The following IL1RAPL2 variants were observed in gnomAD, a reference collection of about 807,000 sequenced individuals.
IL1RAPL2 encodes the protein interleukin 1 receptor accessory protein like 2.
IL1RAPL2 carries 3 observed loss-of-function variants against 44.1 expected under a neutral mutation model. The ratio of observed to expected loss-of-function variants is 0.07; its 90% CI spans 0.03 to 0.18. The LOEUF (loss-of-function observed/expected upper bound fraction) is 0.18, where lower values mean the gene tolerates loss of function less well. Among genes scored for constraint, IL1RAPL2 ranks in the 10% least tolerant of loss-of-function variants. The pLI is 1.00. For synonymous variants in IL1RAPL2, 181 were observed against 178.8 expected, an observed-to-expected ratio of 1.01 and a Z score of -0.10; for missense variants, 391 against 496.4, an observed-to-expected ratio of 0.79 and a Z score of 2.02.
At chrX:104,582,383 A>G (rs1928365792) in intron 1 of IL1RAPL2, among the ~76,000 whole-genome samples, 1 of 112,117 alleles carries the variant, frequency 8.9e-6, no homozygotes, top group Non-Finnish European at 1.9e-5. Context: ...GTTTGCATGA[A>G]AAAAAGACTG....
chrX:104,693,402 A>G (rs1056077805), intron 2 of IL1RAPL2, among the ~76,000 whole-genome samples: 2 of 111,631 alleles, frequency 1.8e-5, no homozygotes, highest in Admixed American at 1.9e-4. Context: ...AGGGACCAAT[A>G]GGTTTGTATT....
rs1168980533 is a variant in IL1RAPL2, at chrX:105,050,959, C to T, written c.83-144516C>T. Reference sequence around the variant, plus strand: ...TGTCCCTCCTCTGCCCTCTGCCCTGCTCCAAGTTGGGTGCTTTTACGGACC... The same window carrying T: ...TGTCCCTCCTCTGCCCTCTGCCCTGTTCCAAGTTGGGTGCTTTTACGGACC... On this transcript the variant is annotated intron_variant, in intron 2 of 10. Transcript: ENST00000372582. Among the ~76,000 whole-genome samples, 3 of 112,480 alleles carry T rather than the reference C, an allele frequency of 2.7e-5. No homozygotes were observed. The Admixed American group carries it at 2.8e-4, about 10-fold the overall frequency.
rs915441646 is a variant in IL1RAPL2 at position 105,661,825 on chromosome X, A to C, written c.773-55542A>C. 8.0e-5 allele frequency among the ~76,000 whole-genome samples: 9 copies of C among 112,394 alleles called. No individual in the cohort carries two copies. The East Asian group carries it at 2.5e-3, about 31-fold the overall frequency. ...GAGTTGCTGCAGAGGGTTCCCTTTA[A>C]AACTAGTTAAAAAGTATTCCATAAA... On this transcript the variant is annotated intron_variant, in intron 6 of 10. Transcript: ENST00000372582.
At chrX:104,789,663 A>G (rs1932815952) in intron 2 of IL1RAPL2, among the ~76,000 whole-genome samples, 1 of 112,323 alleles carries the variant, frequency 8.9e-6, no homozygotes, top group Non-Finnish European at 1.9e-5. Flanking sequence ...AATATGCCTC[A>G]TGAATTGCCA....
intron 4 of IL1RAPL2, among the ~76,000 whole-genome samples, chrX:105,247,021 G>C (rs917017135): frequency 5.4e-5 from 6 of 110,634 alleles, no homozygotes; most frequent in African/African-American, 2.0e-4. Flanking sequence ...TGGTTTGGAA[G>C]CTCTGGTTTA....
intron 1 of IL1RAPL2, among the ~76,000 whole-genome samples, chrX:104,601,722 G>A (rs1285482952): frequency 8.9e-6 from 1 of 111,787 alleles, no homozygotes; most frequent in Non-Finnish European, 1.9e-5. Flanking sequence ...CTATTATTAA[G>A]CCACATTATG....
In IL1RAPL2 at chrX:104,855,681, G is replaced by GTGTTTTTTTTTTTTTTTTTTTTTTTTTTT; in HGVS notation, c.82+196687_82+196688insGTTTTTTTTTTTTTTTTTTTTTTTTTTTT. ...TTAACTGTGCTAAGGATCTGGATCC[G>GTGTTTTTTTTTTTTTTTTTTTTTTTTTTT]TTTTTTTTTTTTTTTTTACTGTATC... On this transcript the variant is annotated intron_variant, in intron 2 of 10. Transcript: ENST00000372582. 8.0e-4 allele frequency among the ~76,000 whole-genome samples: 43 copies of GTGTTTTTTTTTTTTTTTTTTTTTTTTTTT among 53,865 alleles called. 12 individuals are homozygous for GTGTTTTTTTTTTTTTTTTTTTTTTTTTTT. Among genetic ancestry groups the GTGTTTTTTTTTTTTTTTTTTTTTTTTTTT allele is most frequent in the Non-Finnish European group, 1.6e-3 (40 of 24,623 alleles). The allele number at this position is 53,865 out of a possible 115,157, so 46.8% of individuals were successfully genotyped here.
intron 4 of IL1RAPL2, among the ~76,000 whole-genome samples, chrX:105,246,896 T>G (rs994957788): frequency 1.8e-5 from 2 of 111,181 alleles, no homozygotes; most frequent in Non-Finnish European, 3.8e-5. Context: ...AAGACTGGCC[T>G]TGAGAGCTTC....
At chrX:105,092,902 A>G (rs1412458089) in intron 2 of IL1RAPL2, among the ~76,000 whole-genome samples, 1 of 111,066 alleles carries the variant, frequency 9.0e-6, no homozygotes, top group Non-Finnish European at 1.9e-5. Context: ...GTGCTATAAA[A>G]TAATGTATAA....
At chrX:105,247,008 C>A (rs967935027) in intron 4 of IL1RAPL2, among the ~76,000 whole-genome samples, 2 of 110,453 alleles carry the variant, frequency 1.8e-5, no homozygotes, top group African/African-American at 6.6e-5. Context: ...TGCTGTGACC[C>A]ACTGGTTTGG....
At chrX:104,787,535 G>GT (rs1932805394) in intron 2 of IL1RAPL2, among the ~76,000 whole-genome samples, 1 of 111,480 alleles carries the variant, frequency 9.0e-6, no homozygotes, top group African/African-American at 3.3e-5. Flanking sequence ...AGGTAAGGGA[G>GT]TGAGGGAGCT....
chrX:105,274,194 C>T (rs191442520), intron 5 of IL1RAPL2, among the ~76,000 whole-genome samples: 5 of 111,872 alleles, frequency 4.5e-5, no homozygotes, highest in Admixed American at 9.5e-5. Flanking sequence ...ATAAAAAAAG[C>T]ACACTTGGCA....
chrX:105,512,557 T>G, intron 6 of IL1RAPL2, among the ~76,000 whole-genome samples: 2 of 111,787 alleles, frequency 1.8e-5, no homozygotes, highest in South Asian at 7.4e-4. Flanking sequence ...GTGTAAAAAT[T>G]AAATCGCATT....
At chrX:104,727,704 T>C (rs1183857054) in intron 2 of IL1RAPL2, among the ~76,000 whole-genome samples, 6 of 111,288 alleles carry the variant, frequency 5.4e-5, no homozygotes, top group East Asian at 2.8e-4. Flanking sequence ...CAATGGATGA[T>C]TGGATAAAGA....
chrX:104,973,698 C>T (rs1327044205), intron 2 of IL1RAPL2, among the ~76,000 whole-genome samples: 1 of 111,990 alleles, frequency 8.9e-6, no homozygotes, highest in African/African-American at 3.2e-5. Flanking sequence ...AGCTTAGTCA[C>T]ACACAAAAAA....
At chrX:105,317,916 G>C (rs1206056942) in intron 5 of IL1RAPL2, among the ~76,000 whole-genome samples, 1 of 109,609 alleles carries the variant, frequency 9.1e-6, no homozygotes, top group Non-Finnish European at 1.9e-5. Flanking sequence ...CATTAGAGTT[G>C]GGATTCAAAG....
At chrX:104,948,605 T>G (rs1925465788) in intron 2 of IL1RAPL2, among the ~76,000 whole-genome samples, 1 of 111,167 alleles carries the variant, frequency 9.0e-6, no homozygotes, top group Middle Eastern at 4.6e-3. Flanking sequence ...AATACCTAAT[T>G]TCTTGAGAGT....
At chrX:105,041,476 G>C (rs919118064) in intron 2 of IL1RAPL2, among the ~76,000 whole-genome samples, 10 of 110,450 alleles carry the variant, frequency 9.1e-5, no homozygotes, top group Non-Finnish European at 1.7e-4. Context: ...GTTGACAGTG[G>C]GGTGTTAAAG....
At chrX:105,512,094 TCACC>T (rs2036474577) in intron 6 of IL1RAPL2, among the ~76,000 whole-genome samples, 2 of 111,398 alleles carry the variant, frequency 1.8e-5, no homozygotes, top group African/African-American at 6.5e-5. Flanking sequence ...CTCTCTAATT[TCACC>T]CAGAAATATG....
Sources: allele counts gnomAD v4.1 joint callset (sites outside exome capture counted in the v4.1 genomes callset), GRCh38; gene constraint gnomAD v4.1.1; transcripts MANE v1.5; gene names NCBI Gene and HGNC (gene_info 2026-07-23, HGNC 2026-07-21).